Variants in CDK8 observed in about 807,000 individuals in gnomAD.
CDK8 encodes the protein cyclin dependent kinase 8.
In CDK8, 29 loss-of-function variants were observed where a neutral mutation model predicts 71.5. The ratio of observed to expected loss-of-function variants is 0.41; its 90% CI spans 0.30 to 0.55. The LOEUF is 0.55. CDK8 is among the 20% of genes least tolerant of loss of function. CDK8 has a pLI of 0.37. For missense variants in CDK8, 288 were observed against 572.6 expected (o/e 0.50, Z 5.07); for synonymous variants, 161 against 192.1 (o/e 0.84, Z 1.34).
intron 1 of CDK8, among the ~76,000 whole-genome samples, chr13:26,287,835 CTA>C (rs991918447): frequency 3.3e-5 from 5 of 150,760 alleles, no homozygotes; most frequent in African/African-American, 1.2e-4. Context: ...AATTTTAAGA[CTA>C]TAAAGTGCTA....
At position 26,306,953 on chromosome 13, in the gene CDK8, A is replaced by G. The variant is rs17083732; in HGVS notation, c.129-30614A>G. 8.0e-3 allele frequency among the ~76,000 whole-genome samples: 1,214 copies of G among 152,184 alleles called. 26 individuals carry two copies. The highest frequency in any genetic ancestry group is 0.026 in the African/African-American group (1,092 of 41,524). On this transcript the variant is annotated intron_variant, in intron 1 of 12. Coordinates refer to ENST00000381527, the MANE Select transcript of CDK8 (RefSeq NM_001260.3). ...TCCCTTATTATTCTTGAGTGATCTT[A>G]CTGAAATTTTAGGACTCTATGAAAG... is the stretch of plus-strand genomic sequence containing the variant.
chr13:26,269,596 A>G (rs1232556350), intron 1 of CDK8, among the ~76,000 whole-genome samples: 1 of 151,886 alleles, frequency 6.6e-6, no homozygotes. Context: ...ATTCAGTCTG[A>G]TGTTCCTAAG....
At chr13:26,331,898 G>C (rs1872777283) in intron 1 of CDK8, among the ~76,000 whole-genome samples, 1 of 152,120 alleles carries the variant, frequency 6.6e-6, no homozygotes. Context: ...AGATTGCTTT[G>C]GGTAGTATGG....
At chr13:26,355,600 C>G (rs1052438537) in intron 4 of CDK8, among the ~76,000 whole-genome samples, 1 of 151,990 alleles carries the variant, frequency 6.6e-6, no homozygotes, top group Non-Finnish European at 1.5e-5. Context: ...GGCGACAGAG[C>G]GAAACTCCAT....
chr13:26,277,786 T>C (rs1872609242), intron 1 of CDK8, among the ~76,000 whole-genome samples: 1 of 152,190 alleles, frequency 6.6e-6, no homozygotes, highest in East Asian at 1.9e-4. Context: ...TCTAAAAGTT[T>C]AGGTATATTT....
At chr13:26,335,498 T>G (rs1872939339) in intron 1 of CDK8, among the ~76,000 whole-genome samples, 1 of 152,152 alleles carries the variant, frequency 6.6e-6, no homozygotes, top group Non-Finnish European at 1.5e-5. Flanking sequence ...TCTTGAGCTT[T>G]AGTGTTTATT....
At chr13:26,370,077 G>C (rs1424191771) in intron 4 of CDK8, among the ~76,000 whole-genome samples, 3 of 152,112 alleles carry the variant, frequency 2.0e-5, no homozygotes, top group Non-Finnish European at 4.4e-5. Flanking sequence ...TTTCACTGTT[G>C]CTTCAAACCT....
chr13:26,330,237 T>C (rs1408496481), intron 1 of CDK8, among the ~76,000 whole-genome samples: 2 of 151,906 alleles, frequency 1.3e-5, no homozygotes, highest in African/African-American at 2.4e-5. Context: ...TGAGACAGAG[T>C]CTCTGTCGCC....
At chr13:26,377,664 C>A (rs1022188381) in intron 4 of CDK8, among the ~76,000 whole-genome samples, 5 of 151,812 alleles carry the variant, frequency 3.3e-5, no homozygotes, top group Non-Finnish European at 7.4e-5. Context: ...AAAATTCATA[C>A]CCCTGAAAAA....
rs867322268 is a variant in CDK8, at chr13:26,392,335, T to C, written c.647-1032T>C. On this transcript the variant is annotated intron_variant, in intron 6 of 12. Coordinates refer to ENST00000381527, the MANE Select transcript of CDK8 (RefSeq NM_001260.3). ...TTGAATTTATAACCCTTTTTTTTTT[T>C]TTTTTTTTTTGAGACGGAGTCTTGC... is the stretch of plus-strand genomic sequence containing the variant. 2.9e-3 allele frequency among the ~76,000 whole-genome samples: 426 copies of C among 147,656 alleles called. 5 individuals carry two copies. Among genetic ancestry groups the C allele is most frequent in the African/African-American group, 9.9e-3 (393 of 39,772 alleles).
At chr13:26,338,196 A>G (rs1172182246) in intron 2 of CDK8, among the ~76,000 whole-genome samples, 1 of 152,040 alleles carries the variant, frequency 6.6e-6, no homozygotes, top group South Asian at 2.1e-4. Flanking sequence ...ACTGAGTGTT[A>G]CTTTTTGAGA....
At chr13:26,400,671 A>G in intron 10 of CDK8, 121 bp downstream of exon 10, 1 of 686,498 alleles carries the variant, frequency 1.5e-6, no homozygotes, top group Non-Finnish European at 2.6e-6. Context: ...ATCCTTTATG[A>G]CAAGCAAAAA....
intron 1 of CDK8, among the ~76,000 whole-genome samples, chr13:26,256,293 A>G (rs1412006949): frequency 2.0e-5 from 3 of 152,106 alleles, no homozygotes; most frequent in Admixed American, 6.5e-5. Context: ...GTAATGACAT[A>G]TATTTTTAAA....
intron 2 of CDK8, among the ~76,000 whole-genome samples, chr13:26,344,563 G>C (rs142548312): frequency 6.6e-6 from 1 of 152,062 alleles, no homozygotes; most frequent in South Asian, 2.1e-4. Context: ...CCAGGAGTTC[G>C]AGACCAGCCT....
chr13:26,353,995 G>A, intron 4 of CDK8, 115 bp downstream of exon 4: 2 of 851,606 alleles, frequency 2.3e-6, no homozygotes, highest in Admixed American at 4.7e-5. Flanking sequence ...TAGAAGTAGT[G>A]AGAATGCTAC....
At chr13:26,361,959 AT>A (rs1874165238) in intron 4 of CDK8, among the ~76,000 whole-genome samples, 2 of 151,920 alleles carry the variant, frequency 1.3e-5, no homozygotes, top group African/African-American at 4.8e-5. Flanking sequence ...TAATGCACTT[AT>A]TATTGGCTGT....
chr13:26,389,077 G>A (rs946762499), intron 6 of CDK8, among the ~76,000 whole-genome samples: 6 of 152,138 alleles, frequency 3.9e-5, no homozygotes, highest in African/African-American at 7.2e-5. Flanking sequence ...GTGTGTTTAC[G>A]CATTTAGTGC....
chr13:26,291,718 T>C (rs9578990), intron 1 of CDK8, among the ~76,000 whole-genome samples: 1 of 152,116 alleles, frequency 6.6e-6, no homozygotes, highest in Non-Finnish European at 1.5e-5. Context: ...GCTATCATGG[T>C]ACATGAATGA....
At chr13:26,321,836 T>C (rs1874790198) in intron 1 of CDK8, among the ~76,000 whole-genome samples, 1 of 152,116 alleles carries the variant, frequency 6.6e-6, no homozygotes, top group Non-Finnish European at 1.5e-5. Flanking sequence ...ATATTTATGC[T>C]ATTTATTTTT....
Sources: gnomAD v4.1 joint callset for allele counts (sites outside exome capture counted in the v4.1 genomes callset) on GRCh38, gnomAD v4.1.1 for gene constraint, MANE v1.5 for transcripts, NCBI Gene and HGNC (gene_info 2026-07-23, HGNC 2026-07-21) for gene names.